The following LTBP3 variants were observed in gnomAD, a reference collection of about 807,000 sequenced individuals.
LTBP3 encodes the protein latent-transforming growth factor beta-binding protein 3.
LTBP3 carries 97 observed loss-of-function variants against 159.7 expected under a neutral mutation model. The observed-to-expected ratio is 0.61, with a 90% CI of 0.52 to 0.72. LTBP3 has a LOEUF of 0.72. Among genes scored for constraint, LTBP3 ranks in the 30% least tolerant of loss-of-function variants. LTBP3 has a pLI of 0.00. For synonymous variants in LTBP3, 824 were observed against 777.1 expected (o/e 1.06, Z -1.00); for missense variants, 1,584 against 1,864.3 (o/e 0.85, Z 2.77).
At chr11:65,542,973 G>C in intron 18 of LTBP3, 132 bp downstream of exon 18, 1 of 1,138,338 alleles carries the variant, frequency 8.8e-7, no homozygotes. Context: ...TGGATGGATG[G>C]ATAGATGGAT....
Position 65,554,078 on chromosome 11 carries a change from G to T in LTBP3, c.634C>A (p.Leu212Ile). The change falls in exon 2 of 28, where the codon CTA (leucine) becomes ATA (isoleucine). Residue 212 changes from leucine (L) to isoleucine (I), a missense_variant. This residue lies in a region of LTBP3 where 194 missense variants were observed against 198.7 expected (regional missense o/e 0.98). Transcript: ENST00000301873. The surrounding 1 kb of genome is among the most constrained non-coding windows in gnomAD (Gnocchi z 5.3). ...PAQHAAFLVP[L>I]GPGQISAEVQ... ...TCTGCTGAGATCTGTCCCGGGCCTA[G>T]GGGCACCAGGAAGGCTGCGTGCTGG... 1 of 1,606,534 alleles carries T rather than the reference G, an allele frequency of 6.2e-7. No homozygotes were observed.
intron 24 of LTBP3, 38 bp downstream of exon 24, chr11:65,539,975 G>A (rs1856008065): frequency 2.1e-6 from 3 of 1,460,004 alleles, no homozygotes; most frequent in Middle Eastern, 2.2e-4. Context: ...GTGACGGACA[G>A]GGCCCCGGGA....
In LTBP3 at chr11:65,543,235, T is replaced by A. The variant is rs201506760; in HGVS notation, c.2477-11A>T. 5.5e-4 allele frequency: 886 copies of A among 1,613,996 alleles called. No individual in the cohort carries two copies. The highest frequency in any genetic ancestry group is 6.9e-4 in the Non-Finnish European group (810 of 1,179,956). On this transcript the variant is annotated splice_polypyrimidine_tract_variant and intron_variant, in intron 17 of 27. Transcript: ENST00000301873. ...CACACTCATCAATGTCTGTAGGGGA[T>A]GGAAGGGGTGGAGAATCTCAGGGGC...
At chr11:65,549,843 C>T (rs1856534057) in intron 11 of LTBP3, among the ~76,000 whole-genome samples, 1 of 150,792 alleles carries the variant, frequency 6.6e-6, no homozygotes, top group African/African-American at 2.4e-5. Flanking sequence ...ATCACTTGAG[C>T]CCAGGAGGTC....
At chr11:65,551,260 T>C in intron 10 of LTBP3, 36 bp from the exon 11 acceptor site, 1 of 1,531,118 alleles carries the variant, frequency 6.5e-7, no homozygotes. Flanking sequence ...AGAGACGATA[T>C]TGACTGAAGC....
chr11:65,553,517 G>T lies in LTBP3; in HGVS notation c.878C>A (p.Pro293His). 6.2e-7 allele frequency: 1 copy of T among 1,610,620 alleles called. No individual in the cohort carries two copies. The highest frequency in any genetic ancestry group is 1.8e-4 in the Middle Eastern group (1 of 5,418). Residue 293 changes from proline (P) to histidine (H), a missense_variant, in exon 4 of 28, where the codon CCC (proline) becomes CAC (histidine). Coordinates refer to ENST00000301873, the MANE Select transcript of LTBP3 (RefSeq NM_001130144.3). This position sits in a 1 kb window ranked among gnomAD's most constrained non-coding sequence, Gnocchi z 6.5. ...TLPKQPCGSN[P>H]LPGLTKQEDC... ...TTCCTGCTTGGTGAGGCCGGGGAGG[G>T]GGTTGCTGCCACACTAGGGGAAGGA...
intron 11 of LTBP3, among the ~76,000 whole-genome samples, chr11:65,549,953 G>T (rs968063076): frequency 5.9e-5 from 9 of 151,974 alleles, no homozygotes; most frequent in Admixed American, 3.3e-4. Context: ...AAGAAAGAAA[G>T]GAACCCAAAT....
At position 65,540,314 on chromosome 11, in the gene LTBP3, G is replaced by A. The variant is rs1371757289; in HGVS notation, c.3175C>T (p.Arg1059Cys). Residue 1059 changes from arginine to cysteine, a missense_variant, in exon 23 of 28, where the codon CGC becomes TGC. Arg to Cys is a radical substitution (Grantham distance 180). Around this residue, in one of 6 missense-constraint regions of LTBP3, gnomAD observed 514 missense variants for 530.3 expected, o/e 0.97. Transcript: ENST00000301873. ...GVCENTRGGYRCACTPPAEYS... is the reference protein window; with the variant it reads ...GVCENTRGGYCCACTPPAEYS... ...TCGGCAGGGGGCGTGCAGGCACAGC[G>A]GTAGCCGCCGCGCGTGTTCTCACAC... 6.4e-7 allele frequency: 1 copy of A among 1,569,902 alleles called. No individual in the cohort carries two copies. The highest frequency in any genetic ancestry group is 1.9e-5 in the Admixed American group (1 of 51,932).
Position 65,552,957 on chromosome 11 carries a change from G to A in LTBP3, c.1089C>T (p.Gly363=), listed in dbSNP as rs762455737. Residue 363 remains glycine (G), a synonymous_variant, in exon 6 of 28, where the codon GGC becomes GGT. Coordinates refer to ENST00000301873, the MANE Select transcript of LTBP3 (RefSeq NM_001130144.3). The surrounding 1 kb of genome is among the most constrained non-coding windows in gnomAD (Gnocchi z 6.0). The stretch of plus-strand genomic sequence containing the variant: ...TGAGGCAGTCACCATGGCGACACAC[G>A]CCCGGCATTGCGCACTCGTTGATGT... The part of the protein sequence containing the change: ...CQDINECAMP[G]VCRHGDCLNN... 25 of 1,614,070 alleles carry A rather than the reference G, an allele frequency of 1.5e-5. No homozygotes were observed. Among genetic ancestry groups the A allele is most frequent in the South Asian group, 3.3e-5 (3 of 91,088 alleles).
rs1321878350 is a variant in LTBP3, at chr11:65,557,693, G to C, written c.267C>G (p.Asn89Lys). 3 of 1,610,638 alleles carry C rather than the reference G, an allele frequency of 1.9e-6. No homozygotes were observed. The change falls in exon 1 of 28, where the codon AAC (asparagine) becomes AAG (lysine). Residue 89 changes from asparagine (N) to lysine (K), a missense_variant. Physicochemically the swap from Asn to Lys is moderately conservative, Grantham distance 94 (BLOSUM62 0). Around this residue, in one of 6 missense-constraint regions of LTBP3, gnomAD observed 76 missense variants for 133.3 expected, o/e 0.57. Coordinates refer to ENST00000301873, the MANE Select transcript of LTBP3 (RefSeq NM_001130144.3). Reference protein sequence around the residue: ...QCRDSCQQGSNMTLIGENGHS... With the variant: ...QCRDSCQQGSKMTLIGENGHS... Reference sequence around the variant, plus strand: ...GGCCGTTCTCTCCGATGAGCGTCATGTTGGAGCCCTGCTGACAACTGTCCC... The same window carrying C: ...GGCCGTTCTCTCCGATGAGCGTCATCTTGGAGCCCTGCTGACAACTGTCCC...
rs1310605243 is a variant in LTBP3 at position 65,546,111 on chromosome 11, T to TCCCAGCC, written c.2353+324_2353+330dup. On this transcript the variant is annotated intron_variant, in intron 16 of 27. Coordinates refer to ENST00000301873, the MANE Select transcript of LTBP3 (RefSeq NM_001130144.3). The surrounding 1 kb of genome is among the most constrained non-coding windows in gnomAD (Gnocchi z 4.0). ...CTTTCCTTCTCCAGTTTTCAATGAG[T>TCCCAGCC]CCCAGCCCCCAGCCCCGCCTCTTGG... 5.3e-6 allele frequency: 2 copies of TCCCAGCC among 379,086 alleles called. No individual in the cohort carries two copies. The highest frequency in any genetic ancestry group is 5.8e-5 in the South Asian group (2 of 34,680). The allele number at this position is 379,086 out of a possible 1,614,324, so 23.5% of individuals were successfully genotyped here.
chr11:65,557,859 A>C lies in LTBP3; in HGVS notation c.101T>G (p.Leu34Arg). Residue 34 changes from leucine (L) to arginine (R), a missense_variant, in exon 1 of 28, where the codon CTG (leucine) becomes CGG (arginine). Leu to Arg is a moderately radical substitution (Grantham distance 102). This residue lies in a region of LTBP3 where 79 missense variants were observed against 64.7 expected (regional missense o/e 1.22). Transcript: ENST00000301873. ...CTCGACCCTGCCGCCCAGGCCCAGC[A>C]GCAGCAGCAGCAGCAGCAGCAGCAG... is the stretch of plus-strand genomic sequence containing the variant. The part of the protein sequence containing the change: ...LALLLLLLLL[L>R]LGLGGRVEGG... 1 of 1,280,042 alleles carries C rather than the reference A, an allele frequency of 7.8e-7. No individual in the cohort carries two copies. Among genetic ancestry groups the C allele is most frequent in the Non-Finnish European group, 9.9e-7 (1 of 1,006,710 alleles). The allele number at this position is 1,280,042 out of a possible 1,614,324, so 79.3% of individuals were successfully genotyped here.
chr11:65,541,650 C>G lies in LTBP3; in HGVS notation c.2675G>C (p.Cys892Ser), dbSNP rs538705674. ...ACKNLQGSYV[C>S]VCDEGFTPTQ... is the part of the protein sequence containing the mutation. ...GGGAGTGAAGCCCTCATCGCAGACA[C>G]ACACATAGGAGCCCTGAAGGTTCTT... Residue 892 changes from cysteine (C) to serine (S), a missense_variant, in exon 19 of 28, where the codon TGT (cysteine) becomes TCT (serine). This residue lies in a region of LTBP3 where 565 missense variants were observed against 677.7 expected (regional missense o/e 0.83). Coordinates refer to ENST00000301873, the MANE Select transcript of LTBP3 (RefSeq NM_001130144.3). 3 of 1,614,162 alleles carry G rather than the reference C, an allele frequency of 1.9e-6. No individual in the cohort carries two copies. The South Asian group carries it at 3.3e-5, about 18-fold the overall frequency.
In LTBP3 at chr11:65,539,131, G is replaced by C; in HGVS notation, c.3861C>G (p.Gly1287=). 1 of 1,483,056 alleles carries C rather than the reference G, an allele frequency of 6.7e-7. No individual in the cohort carries two copies. The highest frequency in any genetic ancestry group is 9.0e-7 in the Non-Finnish European group (1 of 1,113,182). The allele number at this position is 1,483,056 out of a possible 1,614,324, so 91.9% of individuals were successfully genotyped here. A position where few individuals can be genotyped will look rare whatever the true frequency, so the allele number is the denominator to read the frequency against. The change falls in exon 28 of 28, where the codon GGC becomes GGG. Residue 1287 remains glycine (G), a synonymous_variant. Coordinates refer to ENST00000301873, the MANE Select transcript of LTBP3 (RefSeq NM_001130144.3). The part of the protein sequence containing the change: ...SGSFRCVCKA[G]FARSRPHGAC... ...CCCCGTGCGGGCGGCTGCGCGCGAA[G>C]CCGGCTTTGCAGACGCAGCGGAAGG...
chr11:65,543,706 C>T, intron 16 of LTBP3, 157 bp from the exon 17 acceptor site: 1 of 954,596 alleles, frequency 1.0e-6, no homozygotes. Flanking sequence ...ACACAGTGCC[C>T]TGACGACCAG....
In LTBP3 at chr11:65,547,048, C is replaced by A; in HGVS notation, c.2108-128G>T. ...CTCCCGGACCCCAACCTCTGAGAGGCCCAGAGCCGAGCATACAGGCCGGGT... is the reference window on the plus strand; with the variant it reads ...CTCCCGGACCCCAACCTCTGAGAGGACCAGAGCCGAGCATACAGGCCGGGT... On this transcript the variant is annotated intron_variant, in intron 14 of 27. Transcript: ENST00000301873. The surrounding 1 kb of genome is among the most constrained non-coding windows in gnomAD (Gnocchi z 4.6). 7.3e-7 allele frequency: 1 copy of A among 1,368,732 alleles called. No homozygotes were observed. The highest frequency in any genetic ancestry group is 1.0e-6 in the Non-Finnish European group (1 of 1,000,304). 84.8% of individuals were successfully genotyped at this position (1,368,732 alleles called of 1,614,324 possible). A position where few individuals can be genotyped will look rare whatever the true frequency, so the allele number is the denominator to read the frequency against.
At chr11:65,541,869 C>T (rs571236411) in intron 18 of LTBP3, 141 bp from the exon 19 acceptor site, 3 of 940,906 alleles carry the variant, frequency 3.2e-6, no homozygotes, top group Non-Finnish European at 4.9e-6. Context: ...TGTGTCTGTG[C>T]ATGTGTCTGA....
In LTBP3 at chr11:65,552,743, C is replaced by T; in HGVS notation, c.1186+117G>A. The T allele has an allele frequency of 6.8e-7, 1 of 1,474,518 alleles. No homozygotes were observed. Among genetic ancestry groups the T allele is most frequent in the East Asian group, 2.3e-5 (1 of 43,640 alleles). The allele number at this position is 1,474,518 out of a possible 1,614,324, so 91.3% of individuals were successfully genotyped here. On this transcript the variant is annotated intron_variant, in intron 6 of 27. Transcript: ENST00000301873. The surrounding 1 kb of genome is among the most constrained non-coding windows in gnomAD (Gnocchi z 6.0). ...CTGCTGATCCCTGATCCTATTGGCT[C>T]TGGGCCTTGTTCCTCCTGCAGTCAA...
chr11:65,550,817 C>A (rs539072949), intron 11 of LTBP3, among the ~76,000 whole-genome samples: 3 of 151,824 alleles, frequency 2.0e-5, no homozygotes, highest in African/African-American at 7.3e-5. Flanking sequence ...AGCAAGACTC[C>A]GTCTCAAAAA....
Sources: gnomAD v4.1 joint callset for allele counts (sites outside exome capture counted in the v4.1 genomes callset) on GRCh38, gnomAD v4.1.1 for gene constraint, gnomAD v4.1.1 regional missense constraint, Gnocchi (gnomAD v3.1) non-coding constraint, MANE v1.5 for transcripts, NCBI Gene and HGNC (gene_info 2026-07-23, HGNC 2026-07-21) for gene names.